The following TNRC6B variants were observed in gnomAD, a reference collection of about 807,000 sequenced individuals.
TNRC6B encodes trinucleotide repeat-containing gene 6B protein.
In TNRC6B, 52 loss-of-function variants were observed where a neutral mutation model predicts 203.6. The observed-to-expected ratio is 0.26, with a 90% CI of 0.20 to 0.32. The LOEUF (loss-of-function observed/expected upper bound fraction) is 0.32. Ranked by LOEUF, TNRC6B falls within the 10% of genes least tolerant of loss-of-function variation. The pLI is 1.00. For synonymous variants in TNRC6B, 838 were observed against 845.7 expected (o/e 0.99, Z 0.16); for missense variants, 1,923 against 2,286.2 (o/e 0.84, Z 3.24).
At chr22:40,111,128 T>G (rs1238477912) in intron 1 of TNRC6B, among the ~76,000 whole-genome samples, 1 of 152,072 alleles carries the variant, frequency 6.6e-6, no homozygotes, top group Non-Finnish European at 1.5e-5. Flanking sequence ...ACAGAACAGG[T>G]TTCCCTAAGC....
At chr22:40,125,907 G>A in intron 3 of TNRC6B, 1 of 1,581,650 alleles carries the variant, frequency 6.3e-7, no homozygotes, top group Non-Finnish European at 8.6e-7. Flanking sequence ...AAATTGAACA[G>A]TAGAGGCTGT....
intron 1 of TNRC6B, among the ~76,000 whole-genome samples, chr22:40,215,034 A>T (rs1037815997): frequency 6.6e-6 from 1 of 152,028 alleles, no homozygotes; most frequent in African/African-American, 2.4e-5. Context: ...ATCAAGTTTG[A>T]CACCTTACTA....
Position 40,144,676 on chromosome 22 carries a change from GA to G in TNRC6B, c.46-11420del, listed in dbSNP as rs34160632. 5.1e-3 allele frequency among the ~76,000 whole-genome samples: 499 copies of G among 97,300 alleles called. 1 individual carries two copies. Among genetic ancestry groups the G allele is most frequent in the African/African-American group, 0.014 (353 of 25,690 alleles). 63.8% of individuals were successfully genotyped at this position (97,300 alleles called of 152,430 possible). On this transcript the variant is annotated intron_variant, in intron 3 of 23. Transcript: ENST00000301923. ...GGCGACAGAGCAAGACTCCGTCTCG[GA>G]AAAAAAAAAAAAAAAAAATGAACTC...
intron 1 of TNRC6B, among the ~76,000 whole-genome samples, chr22:40,110,967 A>G (rs915434705): frequency 1.3e-5 from 2 of 152,202 alleles, no homozygotes; most frequent in African/African-American, 4.8e-5. Context: ...ATATTGAATG[A>G]CAGTGATAAG....
rs771460547 is a variant in TNRC6B at position 40,262,040 on chromosome 22, G to T, written c.324G>T (p.Gly108=). 2 of 1,599,032 alleles carry T rather than the reference G, an allele frequency of 1.3e-6. No homozygotes were observed. Among genetic ancestry groups the T allele is most frequent in the South Asian group, 2.2e-5 (2 of 89,336 alleles). The part of the protein sequence containing the change: ...QQDHKVLLKR[G]QPPPPSCMLL... ...ACCACAAAGTGTTACTAAAACGTGG[G>T]CAGCCCCCTCCACCGTCCTGCATGC... The change falls in exon 4 of 23, where the codon GGG becomes GGT. Residue 108 remains glycine, a synonymous_variant. Transcript: ENST00000454349.
At chr22:40,252,831 T>C (rs1321163672) in intron 3 of TNRC6B, among the ~76,000 whole-genome samples, 2 of 152,150 alleles carry the variant, frequency 1.3e-5, no homozygotes, top group Admixed American at 6.5e-5. Context: ...CCAACATACT[T>C]TCTAGAAAAG....
chr22:40,310,666 T>C (rs538356455), intron 16 of TNRC6B, 151 bp from the exon 17 acceptor site: 9 of 745,198 alleles, frequency 1.2e-5, no homozygotes, highest in Non-Finnish European at 1.9e-5. Flanking sequence ...AGTAATTCTG[T>C]GCTGAGTCTC....
Position 40,321,317 on chromosome 22 carries a change from C to T in TNRC6B, c.5114+88C>T, listed in dbSNP as rs191677500. 1,253 of 1,466,122 alleles carry T rather than the reference C, an allele frequency of 8.5e-4. 3 individuals carry two copies. The highest frequency in any genetic ancestry group is 1.0e-3 in the Non-Finnish European group (1,087 of 1,072,132). 90.8% of individuals were successfully genotyped at this position (1,466,122 alleles called of 1,614,324 possible). A position where few individuals can be genotyped will look rare whatever the true frequency, so the allele number is the denominator to read the frequency against. On this transcript the variant is annotated intron_variant, in intron 22 of 22. Coordinates refer to ENST00000454349, the MANE Select transcript of TNRC6B (RefSeq NM_001162501.2). ...TGGCAGCTGCTGAATTAAAGATGCA[C>T]CAGAACATATACGAAGAATGGCACC...
intron 3 of TNRC6B, among the ~76,000 whole-genome samples, chr22:40,153,903 A>G (rs1230681675): frequency 1.3e-5 from 2 of 151,070 alleles, no homozygotes; most frequent in East Asian, 1.9e-4. Flanking sequence ...ATAATAAATC[A>G]TTAAAGAAAG....
At chr22:40,046,645 ATT>A (rs754235884) in intron 1 of TNRC6B, among the ~76,000 whole-genome samples, 12 of 130,796 alleles carry the variant, frequency 9.2e-5, no homozygotes, top group African/African-American at 1.2e-4. Context: ...CAGAGTCTCA[ATT>A]TTTTTTTTTT....
At chr22:40,078,668 C>CTG (rs2068040269) in intron 1 of TNRC6B, among the ~76,000 whole-genome samples, 1 of 152,042 alleles carries the variant, frequency 6.6e-6, no homozygotes, top group African/African-American at 2.4e-5. Flanking sequence ...TCTCAGCTCA[C>CTG]TGCAACCTCC....
chr22:40,254,858 G>C (rs1365863524), intron 3 of TNRC6B, among the ~76,000 whole-genome samples: 4 of 152,200 alleles, frequency 2.6e-5, no homozygotes, highest in African/African-American at 9.7e-5. Context: ...TTGCACTCCA[G>C]CTGGGACAAC....
intron 1 of TNRC6B, among the ~76,000 whole-genome samples, chr22:40,062,230 T>G (rs1174749593): frequency 6.6e-6 from 1 of 152,218 alleles, no homozygotes; most frequent in African/African-American, 2.4e-5. Flanking sequence ...AGATAGAGTC[T>G]CACTCTGTTG....
At chr22:40,303,725 C>A (rs948073452) in intron 15 of TNRC6B, among the ~76,000 whole-genome samples, 4 of 151,998 alleles carry the variant, frequency 2.6e-5, no homozygotes, top group African/African-American at 9.7e-5. Flanking sequence ...CAGCCTCCAA[C>A]ATGGTGAAAC....
intron 2 of TNRC6B, among the ~76,000 whole-genome samples, chr22:40,248,868 T>G (rs1315461336): frequency 6.6e-6 from 1 of 152,240 alleles, no homozygotes; most frequent in Non-Finnish European, 1.5e-5. Flanking sequence ...TGATCTTGTT[T>G]TATTATACTG....
chr22:40,221,761 C>CCCCCCT (rs11407329), intron 1 of TNRC6B, among the ~76,000 whole-genome samples: 2 of 134,284 alleles, frequency 1.5e-5, no homozygotes, highest in East Asian at 4.8e-4. Context: ...GCCCCCCCCC[C>CCCCCCT]TTTTTTTTTT....
chr22:40,099,034 A>C (rs1156921691), intron 1 of TNRC6B, among the ~76,000 whole-genome samples: 2 of 152,084 alleles, frequency 1.3e-5, no homozygotes, highest in African/African-American at 4.8e-5. Flanking sequence ...GATGGATCAC[A>C]AGGTCAGCAG....
At chr22:40,303,325 C>T (rs1470784282) in intron 15 of TNRC6B, among the ~76,000 whole-genome samples, 1 of 151,992 alleles carries the variant, frequency 6.6e-6, no homozygotes, top group Non-Finnish European at 1.5e-5. Flanking sequence ...TGCACCTGGC[C>T]GATTCTTTCT....
chr22:40,314,653 C>T (rs1372063384), intron 19 of TNRC6B, among the ~76,000 whole-genome samples: 7 of 152,178 alleles, frequency 4.6e-5, no homozygotes, highest in Admixed American at 2.0e-4. Flanking sequence ...ATTGAGCTTA[C>T]GTGATGATGT....
Sources: allele counts gnomAD v4.1 joint callset (sites outside exome capture counted in the v4.1 genomes callset), GRCh38; gene constraint gnomAD v4.1.1; transcripts MANE v1.5; gene names NCBI Gene and HGNC (gene_info 2026-07-23, HGNC 2026-07-21).